Variants in CCSER1 observed in about 807,000 individuals in gnomAD.
CCSER1 encodes the protein serine-rich coiled-coil domain-containing protein 1.
Under a neutral mutation model 82.0 loss-of-function variants are expected in CCSER1, and 41 were observed. The ratio of observed to expected loss-of-function variants is 0.50; its 90% CI spans 0.39 to 0.65. The LOEUF (loss-of-function observed/expected upper bound fraction) is 0.65, where lower values mean the gene tolerates loss of function less well. Ranked by LOEUF, CCSER1 falls within the 30% of genes least tolerant of loss-of-function variation. The pLI is 0.00. For synonymous variants in CCSER1, 414 were observed against 383.9 expected, an observed-to-expected ratio of 1.08 and a Z score of -0.92; for missense variants, 1,119 against 1,064.2, an observed-to-expected ratio of 1.05 and a Z score of -0.72.
chr4:90,573,348 A>G (rs568854350), intron 5 of CCSER1, among the ~76,000 whole-genome samples: 1 of 152,206 alleles, frequency 6.6e-6, no homozygotes, highest in Non-Finnish European at 1.5e-5. Flanking sequence ...GTTCATGGAT[A>G]CTGTCCTGGA....
chr4:90,927,263 G>T (rs1240876892), intron 9 of CCSER1, among the ~76,000 whole-genome samples: 1 of 151,960 alleles, frequency 6.6e-6, no homozygotes, highest in Non-Finnish European at 1.5e-5. Flanking sequence ...ATTTCTCTGA[G>T]CCACAAATGC....
chr4:91,083,664 A>T (rs967554378), intron 9 of CCSER1, among the ~76,000 whole-genome samples: 1 of 152,168 alleles, frequency 6.6e-6, no homozygotes. Flanking sequence ...AATAGATAGT[A>T]AAATAATATC....
At chr4:91,159,236 C>T (rs1264040959) in intron 10 of CCSER1, among the ~76,000 whole-genome samples, 1 of 151,828 alleles carries the variant, frequency 6.6e-6, no homozygotes, top group Non-Finnish European at 1.5e-5. Flanking sequence ...AGAATGAGTC[C>T]TCTTATAACT....
intron 10 of CCSER1, among the ~76,000 whole-genome samples, chr4:91,465,113 C>A (rs1265929100): frequency 6.6e-6 from 1 of 152,166 alleles, no homozygotes; most frequent in East Asian, 1.9e-4. Context: ...AAGTAAAGCA[C>A]TCCTCAGCAA....
chr4:90,728,161 A>C (rs1285589474), intron 7 of CCSER1, among the ~76,000 whole-genome samples: 1 of 152,190 alleles, frequency 6.6e-6, no homozygotes, highest in African/African-American at 2.4e-5. Context: ...TGGAATGCAC[A>C]ATGGCACCAC....
chr4:91,363,381 G>A (rs912164162), intron 10 of CCSER1, among the ~76,000 whole-genome samples: 1 of 151,256 alleles, frequency 6.6e-6, no homozygotes, highest in Non-Finnish European at 1.5e-5. Flanking sequence ...GTGTGTGTGT[G>A]TGTGTGTGTG....
chr4:90,937,587 G>A (rs959374909), intron 9 of CCSER1, among the ~76,000 whole-genome samples: 1 of 151,630 alleles, frequency 6.6e-6, no homozygotes, highest in African/African-American at 2.4e-5. Flanking sequence ...TGCTAAAATT[G>A]TACCCTCCCC....
At chr4:91,561,353 T>G (rs937595290) in intron 10 of CCSER1, among the ~76,000 whole-genome samples, 1 of 151,452 alleles carries the variant, frequency 6.6e-6, no homozygotes, top group African/African-American at 2.4e-5. Flanking sequence ...CTGAAGTCTT[T>G]TACAAATATT....
At chr4:91,254,752 ACTTTTTGAG>A (rs1409842512) in intron 10 of CCSER1, among the ~76,000 whole-genome samples, 2 of 152,084 alleles carry the variant, frequency 1.3e-5, no homozygotes, top group Non-Finnish European at 2.9e-5. Flanking sequence ...AACATAGTTA[ACTTTTTGAG>A]CTTTCTGCAT....
intron 10 of CCSER1, among the ~76,000 whole-genome samples, chr4:91,395,002 T>C (rs957321657): frequency 2.0e-5 from 3 of 152,112 alleles, no homozygotes; most frequent in African/African-American, 7.2e-5. Context: ...AATTAATGCA[T>C]GTAAAGTACT....
At chr4:90,260,005 C>G (rs964397352) in intron 1 of CCSER1, among the ~76,000 whole-genome samples, 1 of 152,262 alleles carries the variant, frequency 6.6e-6, no homozygotes. Context: ...AAGATTCTCT[C>G]TTTATCTTTT....
At chr4:90,373,753 A>G (rs1747851748) in intron 3 of CCSER1, among the ~76,000 whole-genome samples, 1 of 152,094 alleles carries the variant, frequency 6.6e-6, no homozygotes, top group African/African-American at 2.4e-5. Context: ...TGTTTTTGTT[A>G]TGGACCGTCT....
intron 10 of CCSER1, among the ~76,000 whole-genome samples, chr4:91,594,325 A>G (rs1764419157): frequency 6.7e-6 from 1 of 149,264 alleles, no homozygotes; most frequent in South Asian, 2.1e-4. Context: ...ATATATACAT[A>G]TATGTACACA....
At chr4:90,214,442 C>T (rs940514541) in intron 1 of CCSER1, among the ~76,000 whole-genome samples, 4 of 152,194 alleles carry the variant, frequency 2.6e-5, no homozygotes, top group South Asian at 2.1e-4. Flanking sequence ...CCCAGGGAAA[C>T]GCTGGAGATT....
intron 10 of CCSER1, among the ~76,000 whole-genome samples, chr4:91,380,699 T>C (rs6532303): frequency 0.72 from 109,280 of 152,024 alleles, 39,386 homozygotes; most frequent in East Asian, 0.87. Flanking sequence ...ACTCTTTATC[T>C]GATTTGCCAG....
rs1319564274 is a variant in CCSER1, at chr4:90,393,203, C to CT, written c.1510-6826dup. Among the ~76,000 whole-genome samples the CT allele has an allele frequency of 5.9e-5, 9 of 152,226 alleles. 1 individual carries two copies. The Middle Eastern group carries it at 0.01, about 173-fold the overall frequency. On this transcript the variant is annotated intron_variant, in intron 3 of 10. Transcript: ENST00000509176. ...GGACACTTACCTAATTAGTTTATCT[C>CT]TTTTTTTCCCAAGTAAAAAGGCAAA...
At chr4:91,122,545 G>T (rs1727177064) in intron 10 of CCSER1, among the ~76,000 whole-genome samples, 1 of 151,478 alleles carries the variant, frequency 6.6e-6, no homozygotes, top group Non-Finnish European at 1.5e-5. Flanking sequence ...TTAAAATGAT[G>T]CAAACAACCA....
At chr4:91,205,283 T>C (rs963335772) in intron 10 of CCSER1, among the ~76,000 whole-genome samples, 1 of 151,864 alleles carries the variant, frequency 6.6e-6, no homozygotes, top group African/African-American at 2.4e-5. Context: ...AGCTGTGTAC[T>C]GTCTAATGAA....
rs1015732402 is a variant in CCSER1, at chr4:91,498,200, A to C, written c.2218-100372A>C. 2.0e-5 allele frequency among the ~76,000 whole-genome samples: 3 copies of C among 152,002 alleles called. 1 individual carries two copies. Among genetic ancestry groups the C allele is most frequent in the Admixed American group, 2.0e-4 (3 of 15,210 alleles). On this transcript the variant is annotated intron_variant, in intron 10 of 10. Coordinates refer to ENST00000509176, the MANE Select transcript of CCSER1 (RefSeq NM_001145065.2). Reference sequence around the variant, plus strand: ...GAGAAATCCATTTCTGCTGCAAAATAAAGGTTGAAGAAAATCAGTAAAAGA... The same window carrying C: ...GAGAAATCCATTTCTGCTGCAAAATCAAGGTTGAAGAAAATCAGTAAAAGA...
Sources: gnomAD v4.1 joint callset for allele counts (sites outside exome capture counted in the v4.1 genomes callset) on GRCh38, gnomAD v4.1.1 for gene constraint, MANE v1.5 for transcripts, NCBI Gene and HGNC (gene_info 2026-07-23, HGNC 2026-07-21) for gene names.